FHOD3: variants seen among roughly 807,000 people sequenced by gnomAD.
The protein encoded by FHOD3 is formin homology 2 domain containing 3.
FHOD3 carries 90 observed loss-of-function variants against 173.0 expected under a neutral mutation model. The observed-to-expected ratio is 0.52, with a 90% CI of 0.44 to 0.62. The LOEUF (loss-of-function observed/expected upper bound fraction) is 0.62, where lower values mean the gene tolerates loss of function less well. Ranked by LOEUF, FHOD3 falls within the 20% of genes least tolerant of loss-of-function variation. The pLI is 0.00. For missense variants in FHOD3, 1,945 were observed against 2,034.7 expected (o/e 0.96, Z 0.85); for synonymous variants, 828 against 823.0 (o/e 1.01, Z -0.10).
chr18:36,691,804 A>T (rs543835824), intron 16 of FHOD3, among the ~76,000 whole-genome samples: 6 of 152,262 alleles, frequency 3.9e-5, no homozygotes, highest in Non-Finnish European at 7.3e-5. Flanking sequence ...TTCTCCCTGC[A>T]TGCTCTGCCT....
intron 28 of FHOD3, among the ~76,000 whole-genome samples, chr18:36,771,335 G>C (rs1378836847): frequency 6.6e-6 from 1 of 152,200 alleles, no homozygotes; most frequent in Admixed American, 6.5e-5. Flanking sequence ...TCACACTCCA[G>C]GCTGCATCTC....
At chr18:36,723,672 G>A (rs1046826384) in intron 19 of FHOD3, among the ~76,000 whole-genome samples, 25 of 152,126 alleles carry the variant, frequency 1.6e-4, no homozygotes, top group Non-Finnish European at 2.8e-4. Context: ...AAGGTCTGTC[G>A]CCTTTCATGG....
chr18:36,552,373 T>G (rs1245084194), intron 5 of FHOD3, among the ~76,000 whole-genome samples: 4 of 152,250 alleles, frequency 2.6e-5, no homozygotes, highest in Admixed American at 2.0e-4. Flanking sequence ...CTGAAGTTGC[T>G]TATGAGCTTA....
chr18:36,740,516 A>T, intron 20 of FHOD3, 140 bp from the exon 21 acceptor site: 4 of 860,164 alleles, frequency 4.7e-6, no homozygotes, highest in Non-Finnish European at 7.1e-6. Flanking sequence ...CTTCAAGTAT[A>T]TTTGGTTTAT....
intron 3 of FHOD3, among the ~76,000 whole-genome samples, chr18:36,460,786 C>G (rs553824875): frequency 3.9e-5 from 6 of 152,250 alleles, no homozygotes; most frequent in African/African-American, 1.2e-4. Context: ...GACATTAAGA[C>G]CTGTGTCAGA....
chr18:36,488,539 C>T (rs562859599), intron 3 of FHOD3, among the ~76,000 whole-genome samples: 1 of 152,134 alleles, frequency 6.6e-6, no homozygotes, highest in Non-Finnish European at 1.5e-5. Context: ...AAGGACTGGA[C>T]TATTCACTGT....
chr18:36,494,700 T>C (rs2054646781), intron 3 of FHOD3, among the ~76,000 whole-genome samples: 1 of 152,210 alleles, frequency 6.6e-6, no homozygotes. Flanking sequence ...TCTCATTGGC[T>C]GCTGGCCACC....
At chr18:36,527,293 A>G (rs1455449882) in intron 5 of FHOD3, among the ~76,000 whole-genome samples, 1 of 152,200 alleles carries the variant, frequency 6.6e-6, no homozygotes, top group East Asian at 1.9e-4. Flanking sequence ...TGATTTTCTG[A>G]CTAATCATGC....
At chr18:36,772,916 C>T (rs181645200) in intron 28 of FHOD3, among the ~76,000 whole-genome samples, 1 of 152,222 alleles carries the variant, frequency 6.6e-6, no homozygotes, top group Non-Finnish European at 1.5e-5. Context: ...ACTGGCCCCT[C>T]CTGTAAAGAC....
At chr18:36,584,051 C>T (rs1048259671) in intron 6 of FHOD3, among the ~76,000 whole-genome samples, 8 of 152,148 alleles carry the variant, frequency 5.3e-5, no homozygotes, top group African/African-American at 1.4e-4. Context: ...TGGTCTCAAA[C>T]TCCTGAGCTT....
chr18:36,737,534 C>A (rs1206058986), intron 20 of FHOD3, among the ~76,000 whole-genome samples: 1 of 152,166 alleles, frequency 6.6e-6, no homozygotes, highest in Non-Finnish European at 1.5e-5. Context: ...CCTATCTCTC[C>A]AGATGCTCAA....
At chr18:36,728,799 G>A (rs1386051065) in intron 19 of FHOD3, among the ~76,000 whole-genome samples, 1 of 152,142 alleles carries the variant, frequency 6.6e-6, no homozygotes, top group Non-Finnish European at 1.5e-5. Flanking sequence ...CCTAGCCAGG[G>A]CCCCTGCTTT....
intron 2 of FHOD3, among the ~76,000 whole-genome samples, chr18:36,361,015 G>A (rs551015703): frequency 6.6e-6 from 1 of 152,236 alleles, no homozygotes; most frequent in African/African-American, 2.4e-5. Flanking sequence ...CATGTTAAGA[G>A]AGAGATTCTG....
chr18:36,590,336 A>T (rs75166625), intron 6 of FHOD3, among the ~76,000 whole-genome samples: 1 of 152,144 alleles, frequency 6.6e-6, no homozygotes, highest in South Asian at 2.1e-4. Context: ...TTCCAGATAC[A>T]TGAGGGCATC....
chr18:36,630,500 CA>C (rs1473672405), intron 10 of FHOD3, among the ~76,000 whole-genome samples: 1 of 152,180 alleles, frequency 6.6e-6, no homozygotes, highest in Non-Finnish European at 1.5e-5. Context: ...GAAATGCCAA[CA>C]AATCCAATTC....
chr18:36,640,665 A>G (rs1179182354), intron 10 of FHOD3, among the ~76,000 whole-genome samples: 1 of 152,188 alleles, frequency 6.6e-6, no homozygotes, highest in African/African-American at 2.4e-5. Flanking sequence ...CTTTTTGACT[A>G]GTTGCCACAA....
chr18:36,598,839 G>A (rs541745682), intron 7 of FHOD3, among the ~76,000 whole-genome samples: 2 of 152,304 alleles, frequency 1.3e-5, no homozygotes, highest in East Asian at 1.9e-4. Flanking sequence ...GTGAGCCACC[G>A]CGCCTGGCCA....
At chr18:36,777,451 C>A (rs1220095892) in intron 28 of FHOD3, among the ~76,000 whole-genome samples, 1 of 152,084 alleles carries the variant, frequency 6.6e-6, no homozygotes. Context: ...CCTCAGCCTC[C>A]CAAAGTGCTG....
At chr18:36,745,024 G>T (rs573088909) in intron 23 of FHOD3, among the ~76,000 whole-genome samples, 163 of 152,306 alleles carry the variant, frequency 1.1e-3, no homozygotes, top group African/African-American at 3.5e-3. Flanking sequence ...AAGTACTGGG[G>T]TGTGTTGGAA....
Sources: allele counts gnomAD v4.1 joint callset (sites outside exome capture counted in the v4.1 genomes callset), GRCh38; gene constraint gnomAD v4.1.1; transcripts MANE v1.5; gene names NCBI Gene and HGNC (gene_info 2026-07-23, HGNC 2026-07-21).